The following YES1 variants were observed in gnomAD, a reference collection of about 807,000 sequenced individuals.
YES1 encodes tyrosine-protein kinase Yes.
A neutral mutation model predicts 70.4 loss-of-function variants in YES1; 39 were observed. The ratio of observed to expected loss-of-function variants is 0.55; its 90% CI spans 0.43 to 0.72. The LOEUF is 0.72. YES1 is among the 30% of genes least tolerant of loss of function. YES1 has a pLI of 0.00. For synonymous variants in YES1, 198 were observed against 218.6 expected, an observed-to-expected ratio of 0.91 and a Z score of 0.83; for missense variants, 495 against 644.8, an observed-to-expected ratio of 0.77 and a Z score of 2.52.
intron 10 of YES1, 56 bp downstream of exon 10, chr18:736,750 AAG>A (rs1815645482): frequency 8.3e-6 from 13 of 1,575,296 alleles, no homozygotes; most frequent in Non-Finnish European, 1.0e-5. Flanking sequence ...CTGTATAGTC[AAG>A]AGAGTTAAGC....
chr18:812,295 C>T (rs1245533953), upstream of YES1: 1 of 149,138 alleles, frequency 6.7e-6, no homozygotes, highest in Non-Finnish European at 1.5e-5. Context: ...TCCCGGGCTC[C>T]CCACGCCTCG....
intron 1 of YES1, among the ~76,000 whole-genome samples, chr18:787,464 A>G (rs1446753243): frequency 1.3e-5 from 2 of 151,972 alleles, no homozygotes; most frequent in Non-Finnish European, 2.9e-5. Context: ...AATCCCAGCA[A>G]TTTCGGAGGC....
chr18:776,501 A>C (rs773804660), intron 1 of YES1, among the ~76,000 whole-genome samples: 15 of 152,198 alleles, frequency 9.9e-5, no homozygotes, highest in Non-Finnish European at 1.8e-4. Flanking sequence ...TGTTCAAGAC[A>C]CTTATCCATT....
intron 1 of YES1, among the ~76,000 whole-genome samples, chr18:793,694 G>A (rs1906390480): frequency 6.6e-6 from 1 of 152,140 alleles, no homozygotes; most frequent in Non-Finnish European, 1.5e-5. Context: ...ATCAGACACA[G>A]ATTTCTATAG....
chr18:759,411 G>A (rs1171772683), intron 1 of YES1, among the ~76,000 whole-genome samples: 2 of 152,146 alleles, frequency 1.3e-5, no homozygotes, highest in African/African-American at 4.8e-5. Context: ...AGGTTGCAGT[G>A]AGCCAAGATT....
At chr18:739,615 A>C (rs1449746793) in intron 9 of YES1, 120 bp downstream of exon 9, 3 of 801,418 alleles carry the variant, frequency 3.7e-6, no homozygotes, top group East Asian at 3.0e-5. Context: ...TCTCTAAAAA[A>C]TAAAAAATAA....
chr18:793,233 G>T (rs1354801063), intron 1 of YES1, among the ~76,000 whole-genome samples: 1 of 151,914 alleles, frequency 6.6e-6, no homozygotes, highest in African/African-American at 2.4e-5. Flanking sequence ...TAGAGACAGG[G>T]TTTCACCATG....
At chr18:754,949 C>T (rs1214535184) in intron 2 of YES1, among the ~76,000 whole-genome samples, 3 of 152,140 alleles carry the variant, frequency 2.0e-5, no homozygotes, top group African/African-American at 7.2e-5. Context: ...TACACAGACA[C>T]TGAGTGTACA....
chr18:812,478 C>T (rs896607546), upstream of YES1: 6 of 152,138 alleles, frequency 3.9e-5, no homozygotes, highest in East Asian at 9.7e-4. Flanking sequence ...CGTCAGGTCC[C>T]CTCCGCGGGC....
chr18:757,725 G>A (rs1030689025), intron 1 of YES1, among the ~76,000 whole-genome samples: 2 of 151,750 alleles, frequency 1.3e-5, no homozygotes, highest in Non-Finnish European at 2.9e-5. Flanking sequence ...GGGAGGCTGA[G>A]GCATGAGAAT....
intron 8 of YES1, 116 bp from the exon 9 acceptor site, chr18:739,927 A>T (rs1029205442): frequency 3.2e-5 from 25 of 787,784 alleles, no homozygotes; most frequent in Admixed American, 1.7e-4. Flanking sequence ...CATTTTTTTT[A>T]AATTTTGTGC....
intron 3 of YES1, among the ~76,000 whole-genome samples, chr18:748,661 A>G (rs188310345): frequency 2.6e-4 from 40 of 152,136 alleles, no homozygotes. Context: ...TTTGTAATTG[A>G]CTTCTTTTAC....
Position 753,510 on chromosome 18 carries a change from G to A in YES1, c.272-1706C>T, listed in dbSNP as rs565154630. Among the ~76,000 whole-genome samples, 14 of 151,894 alleles carry A rather than the reference G, an allele frequency of 9.2e-5. No homozygotes were observed. In the South Asian group the frequency reaches 1.9e-3, roughly 20 times the overall value. ...AAAAAAATTTTTTCTTTTTTGAGAC[G>A]GAGTCTTGCTCTGTTGCCCAGGCTA... On this transcript the variant is annotated intron_variant, in intron 2 of 11. Transcript: ENST00000314574.
intron 2 of YES1, among the ~76,000 whole-genome samples, chr18:756,265 G>C (rs1485208652): frequency 7.2e-6 from 1 of 138,740 alleles, no homozygotes; most frequent in Non-Finnish European, 1.5e-5. Flanking sequence ...TAATCTTTAT[G>C]TTCCCGGTGC....
chr18:745,658 A>C, intron 6 of YES1, 50 bp downstream of exon 6: 1 of 1,532,148 alleles, frequency 6.5e-7, no homozygotes, highest in South Asian at 1.3e-5. Context: ...TTTTGTCCTC[A>C]TAAACTAGAA....
chr18:727,049 C>A lies in YES1; in HGVS notation c.1424-2417G>T, dbSNP rs190156750. Among the ~76,000 whole-genome samples the A allele has an allele frequency of 3.5e-3, 537 of 152,180 alleles. 4 individuals are homozygous for A. Among genetic ancestry groups the A allele is most frequent in the African/African-American group, 0.012 (508 of 41,526 alleles). ...AGAAAGACAATGAATGATAAAGTAT[C>A]TCTTTTTCTTCTTTAAAGATGGGTA... is the stretch of plus-strand genomic sequence containing the variant. On this transcript the variant is annotated intron_variant, in intron 11 of 11. Coordinates refer to ENST00000314574, the MANE Select transcript of YES1 (RefSeq NM_005433.4).
chr18:757,169 A>C (rs1413841871), intron 1 of YES1, among the ~76,000 whole-genome samples: 1 of 152,204 alleles, frequency 6.6e-6, no homozygotes, highest in Non-Finnish European at 1.5e-5. Flanking sequence ...TAGTGGAGTG[A>C]TTTCAGGGTA....
chr18:765,142 G>C (rs1904817713), intron 1 of YES1, among the ~76,000 whole-genome samples: 1 of 150,656 alleles, frequency 6.6e-6, no homozygotes, highest in Non-Finnish European at 1.5e-5. Flanking sequence ...GCATAAGACA[G>C]GGAGAGAAAT....
At chr18:811,540 G>C (rs1349195588) in intron 1 of YES1, among the ~76,000 whole-genome samples, 1 of 152,178 alleles carries the variant, frequency 6.6e-6, no homozygotes, top group Non-Finnish European at 1.5e-5. Context: ...TTCCGTAAAA[G>C]TGGACGCTGA....
Sources: gnomAD v4.1 joint callset for allele counts (sites outside exome capture counted in the v4.1 genomes callset) on GRCh38, gnomAD v4.1.1 for gene constraint, MANE v1.5 for transcripts, NCBI Gene and HGNC (gene_info 2026-07-23, HGNC 2026-07-21) for gene names.